TTC28: variants seen among roughly 807,000 people sequenced by gnomAD.
TTC28 encodes the protein tetratricopeptide repeat protein 28.
Under a neutral mutation model 198.0 loss-of-function variants are expected in TTC28, and 61 were observed. The ratio of observed to expected loss-of-function variants is 0.31; its 90% CI spans 0.25 to 0.38. The LOEUF (loss-of-function observed/expected upper bound fraction) is 0.38, where lower values mean the gene tolerates loss of function less well. TTC28 is among the 10% of genes least tolerant of loss of function. The pLI, the probability that TTC28 is intolerant of heterozygous loss-of-function variation, is 1.00. For missense variants in TTC28, 2,678 were observed against 3,164.0 expected, an observed-to-expected ratio of 0.85 and a Z score of 3.69; for synonymous variants, 1,171 against 1,297.8, an observed-to-expected ratio of 0.90 and a Z score of 2.10.
chr22:28,230,268 G>A (rs1928701567), intron 5 of TTC28, among the ~76,000 whole-genome samples: 2 of 152,192 alleles, frequency 1.3e-5, no homozygotes, highest in African/African-American at 2.4e-5. Context: ...AATATCACTG[G>A]CCACAGAAAG....
At chr22:28,021,142 G>T (rs930594943) in intron 13 of TTC28, among the ~76,000 whole-genome samples, 1 of 152,202 alleles carries the variant, frequency 6.6e-6, no homozygotes, top group African/African-American at 2.4e-5. Context: ...CCTCAGCCAA[G>T]GCTAAGAAAA....
At chr22:28,392,045 A>G (rs2046731803) in intron 2 of TTC28, among the ~76,000 whole-genome samples, 1 of 152,044 alleles carries the variant, frequency 6.6e-6, no homozygotes, top group Admixed American at 6.6e-5. Flanking sequence ...TCTGTTTGTT[A>G]GTTTTCCTTC....
chr22:28,075,292 A>G (rs919891452), intron 12 of TTC28, among the ~76,000 whole-genome samples: 4 of 152,134 alleles, frequency 2.6e-5, no homozygotes, highest in Non-Finnish European at 5.9e-5. Context: ...GTAGAAATTC[A>G]AGAATCAGGG....
chr22:28,383,605 T>C (rs1187982300), intron 2 of TTC28, among the ~76,000 whole-genome samples: 1 of 152,226 alleles, frequency 6.6e-6, no homozygotes, highest in Non-Finnish European at 1.5e-5. Flanking sequence ...GTTGCTCAGG[T>C]CAAATGATTC....
chr22:28,570,009 T>C (rs1228370317), intron 2 of TTC28, among the ~76,000 whole-genome samples: 1 of 152,140 alleles, frequency 6.6e-6, no homozygotes, highest in Non-Finnish European at 1.5e-5. Flanking sequence ...TGAGATACCA[T>C]CTCACACCAG....
chr22:27,996,272 A>C lies in TTC28; in HGVS notation c.5120-13T>G. ...ATGAGCATGAACCCTGCAGAAAGCA[A>C]AGGAGGGCACCTCAGCAGGGCAGCT... On this transcript the variant is annotated splice_polypyrimidine_tract_variant and intron_variant, in intron 16 of 22. Transcript: ENST00000397906. 6.5e-7 allele frequency: 1 copy of C among 1,549,726 alleles called. No homozygotes were observed. The highest frequency in any genetic ancestry group is 8.7e-7 in the Non-Finnish European group (1 of 1,146,544).
intron 1 of TTC28, among the ~76,000 whole-genome samples, chr22:28,652,745 C>A: frequency 6.6e-6 from 1 of 151,016 alleles, no homozygotes; most frequent in East Asian, 1.9e-4. Context: ...TGCAGGTACT[C>A]CCTGAACCTG....
intron 2 of TTC28, among the ~76,000 whole-genome samples, chr22:28,369,948 A>G (rs1415383419): frequency 6.6e-6 from 1 of 152,192 alleles, no homozygotes; most frequent in Non-Finnish European, 1.5e-5. Flanking sequence ...TCTGTTCTGA[A>G]TATGCTCTTT....
chr22:28,096,413 G>A lies in TTC28; in HGVS notation c.3548-5C>T, dbSNP rs1318178329. On this transcript the variant is annotated splice_polypyrimidine_tract_variant and splice_region_variant and intron_variant, in intron 10 of 22. Transcript: ENST00000397906. ...CCAGGGCTTCATCATGATGGCCTAGGAGACAAAGAGATATGCCGAGGAGTC... is the reference window on the plus strand; with the variant it reads ...CCAGGGCTTCATCATGATGGCCTAGAAGACAAAGAGATATGCCGAGGAGTC... The A allele has an allele frequency of 1.3e-6, 2 of 1,550,726 alleles. No homozygotes were observed. The highest frequency in any genetic ancestry group is 1.7e-6 in the Non-Finnish European group (2 of 1,146,978).
chr22:28,427,588 G>A (rs1433041951), intron 2 of TTC28, among the ~76,000 whole-genome samples: 1 of 152,214 alleles, frequency 6.6e-6, no homozygotes, highest in Non-Finnish European at 1.5e-5. Flanking sequence ...AGGAGGCGGA[G>A]CTTGCAGTGA....
chr22:28,032,816 C>T (rs1939187740), intron 12 of TTC28, among the ~76,000 whole-genome samples: 1 of 152,104 alleles, frequency 6.6e-6, no homozygotes, highest in African/African-American at 2.4e-5. Flanking sequence ...CAGGCAGGGG[C>T]TGAATACAGG....
intron 2 of TTC28, among the ~76,000 whole-genome samples, chr22:28,412,704 T>TA (rs1213273296): frequency 6.6e-6 from 1 of 152,230 alleles, no homozygotes; most frequent in East Asian, 1.9e-4. Flanking sequence ...GTACTGTTCT[T>TA]ACGTTCATTT....
intron 2 of TTC28, among the ~76,000 whole-genome samples, chr22:28,531,517 A>C (rs1352838106): frequency 6.6e-6 from 1 of 152,234 alleles, no homozygotes. Flanking sequence ...GAAAGTTAAA[A>C]AGGACATCCA....
At chr22:28,403,655 G>A (rs1569307442) in intron 2 of TTC28, among the ~76,000 whole-genome samples, 1 of 152,042 alleles carries the variant, frequency 6.6e-6, no homozygotes, top group Non-Finnish European at 1.5e-5. Context: ...AACATACCTG[G>A]CAGCCCATCA....
intron 2 of TTC28, among the ~76,000 whole-genome samples, chr22:28,354,875 A>G (rs1341503604): frequency 6.6e-6 from 1 of 151,846 alleles, no homozygotes; most frequent in African/African-American, 2.4e-5. Flanking sequence ...CACATTGTGC[A>G]GGTTAGTTAC....
chr22:28,508,101 A>C (rs556694458), intron 2 of TTC28, among the ~76,000 whole-genome samples: 2 of 152,330 alleles, frequency 1.3e-5, no homozygotes, highest in African/African-American at 4.8e-5. Context: ...CAATTAAAAG[A>C]CACAGATGGA....
At chr22:28,001,174 G>A in intron 15 of TTC28, 200 bp downstream of exon 15, 1 of 597,000 alleles carries the variant, frequency 1.7e-6, no homozygotes, top group Non-Finnish European at 2.8e-6. Flanking sequence ...AGCAAAGAAT[G>A]GCCAGGGGTC....
intron 14 of TTC28, chr22:28,007,908 T>C (rs1260425674): frequency 2.0e-5 from 3 of 152,202 alleles, no homozygotes; most frequent in Non-Finnish European, 4.4e-5. Flanking sequence ...CCTAATCAGT[T>C]GTGAAAATGC....
At chr22:28,386,811 AG>A (rs1425513649) in intron 2 of TTC28, among the ~76,000 whole-genome samples, 1 of 151,868 alleles carries the variant, frequency 6.6e-6, no homozygotes, top group Non-Finnish European at 1.5e-5. Flanking sequence ...GCTTTCTTAT[AG>A]TTTTTTTTTG....
Sources: gnomAD v4.1 joint callset for allele counts (sites outside exome capture counted in the v4.1 genomes callset) on GRCh38, gnomAD v4.1.1 for gene constraint, MANE v1.5 for transcripts, NCBI Gene and HGNC (gene_info 2026-07-23, HGNC 2026-07-21) for gene names.